DCHS2: variants seen among roughly 807,000 people sequenced by gnomAD.
DCHS2 encodes the protein dachsous cadherin-related 2, also known as protocadherin-23.
Under a neutral mutation model 182.4 loss-of-function variants are expected in DCHS2, and 142 were observed. That is an observed-to-expected ratio of 0.78 (90% CI 0.68 to 0.89). The LOEUF is 0.89. Ranked by LOEUF, DCHS2 falls within the 40% of genes least tolerant of loss-of-function variation. The pLI is 0.00. For missense variants in DCHS2, 4,319 were observed against 4,198.6 expected (o/e 1.03, Z -0.79); for synonymous variants, 1,740 against 1,663.3 (o/e 1.05, Z -1.12).
chr4:154,239,028 G>A, intron 19 of DCHS2, 142 bp downstream of exon 19: 1 of 1,115,724 alleles, frequency 9.0e-7, no homozygotes, highest in East Asian at 2.8e-5. Context: ...TTCATGTGAA[G>A]AGTAATGAAA....
chr4:154,410,728 T>C (rs910217735), intron 1 of DCHS2, among the ~76,000 whole-genome samples: 6 of 152,110 alleles, frequency 3.9e-5, no homozygotes, highest in African/African-American at 1.4e-4. Context: ...TCCCAGAAGT[T>C]TCTTAAGTCT....
chr4:154,422,906 C>G (rs999836988), intron 1 of DCHS2, among the ~76,000 whole-genome samples: 4 of 152,198 alleles, frequency 2.6e-5, no homozygotes, highest in Non-Finnish European at 4.4e-5. Flanking sequence ...GTCAAAGAAA[C>G]CTGCCTGTCC....
intron 1 of DCHS2, among the ~76,000 whole-genome samples, chr4:154,433,098 T>C (rs952735806): frequency 6.6e-6 from 1 of 152,174 alleles, no homozygotes; most frequent in African/African-American, 2.4e-5. Context: ...ACATATTGGA[T>C]TAGGCGGACC....
At chr4:154,262,418 A>C (rs1419490369) in intron 14 of DCHS2, among the ~76,000 whole-genome samples, 1 of 152,236 alleles carries the variant, frequency 6.6e-6, no homozygotes, top group Non-Finnish European at 1.5e-5. Context: ...GTGAGAGGAA[A>C]GTACTACTGG....
intron 1 of DCHS2, among the ~76,000 whole-genome samples, chr4:154,425,333 T>C (rs1466896455): frequency 1.3e-5 from 2 of 152,262 alleles, no homozygotes; most frequent in Admixed American, 6.5e-5. Context: ...TGTGGAGGAC[T>C]CTTCTCTATA....
chr4:154,481,341 A>C (rs1735911949), intron 1 of DCHS2, among the ~76,000 whole-genome samples: 1 of 152,154 alleles, frequency 6.6e-6, no homozygotes, highest in Non-Finnish European at 1.5e-5. Context: ...GGTTCACTGC[A>C]GCCTCGACCT....
chr4:154,358,814 C>T (rs73854718), intron 3 of DCHS2, among the ~76,000 whole-genome samples: 1,842 of 151,840 alleles, frequency 0.012, 33 homozygotes, highest in African/African-American at 0.042. Context: ...TTGAATCCAA[C>T]ATGCTTAAAT....
intron 1 of DCHS2, among the ~76,000 whole-genome samples, chr4:154,479,270 A>G (rs1438776163): frequency 1.3e-5 from 2 of 152,168 alleles, no homozygotes; most frequent in Non-Finnish European, 2.9e-5. Context: ...GATCTGAAGA[A>G]TAGAAAAGAA....
chr4:154,296,570 T>C (rs1173059463), intron 13 of DCHS2, among the ~76,000 whole-genome samples: 1 of 152,244 alleles, frequency 6.6e-6, no homozygotes, highest in African/African-American at 2.4e-5. Context: ...AGTTTAATAA[T>C]GTTAATAGAT....
chr4:154,365,473 T>C (rs969674116), intron 3 of DCHS2, among the ~76,000 whole-genome samples: 3 of 152,034 alleles, frequency 2.0e-5, no homozygotes, highest in Non-Finnish European at 2.9e-5. Context: ...AGTGTTACTT[T>C]TTTGTTTTTT....
intron 7 of DCHS2, among the ~76,000 whole-genome samples, chr4:154,324,052 G>A (rs56214025): frequency 0.27 from 40,847 of 152,130 alleles, 6,495 homozygotes; most frequent in South Asian, 0.36. Context: ...TGCTCGATGA[G>A]TTAAACTTTT....
chr4:154,298,080 T>TTTATCAATAGAAAACATTAGTTTTA lies in DCHS2; in HGVS notation c.6233_6234insTAAAACTAATGTTTTCTATTGATAA (p.Glu2079LysfsTer7). 6.2e-7 allele frequency: 1 copy of TTTATCAATAGAAAACATTAGTTTTA among 1,614,148 alleles called. No homozygotes were observed. Among genetic ancestry groups the TTTATCAATAGAAAACATTAGTTTTA allele is most frequent in the South Asian group, 1.1e-5 (1 of 91,082 alleles). On this transcript the variant is annotated stop_gained and frameshift_variant, in exon 13 of 20. Coordinates refer to ENST00000357232, the MANE Select transcript of DCHS2 (RefSeq NM_001358235.2). LOFTEE classifies it high-confidence loss of function. ...CAATAGAAAACATTGACTGGGTCTCTGCAAAACTAAAAACCACAGTTCCAT... is the reference window on the plus strand; with the variant it reads ...CAATAGAAAACATTGACTGGGTCTCTTTATCAATAGAAAACATTAGTTTTAGCAAAACTAAAAACCACAGTTCCAT...
intron 1 of DCHS2, among the ~76,000 whole-genome samples, chr4:154,460,895 A>T (rs1391603505): frequency 6.6e-6 from 1 of 152,214 alleles, no homozygotes; most frequent in Admixed American, 6.5e-5. Flanking sequence ...TCTACAGAAC[A>T]TGTAAAAACC....
chr4:154,489,623 T>C lies in DCHS2; in HGVS notation c.1733A>G (p.Tyr578Cys), dbSNP rs748537707. Residue 578 changes from tyrosine (Y) to cysteine (C), a missense_variant, in exon 1 of 20, where the codon TAC (tyrosine) becomes TGC (cysteine). By Grantham distance (194) the Tyr-to-Cys change is radical. Coordinates refer to ENST00000357232, the MANE Select transcript of DCHS2 (RefSeq NM_001358235.2). ...GGGAGCCGAGAGTTGGACTACAGTG[T>C]AGCGCAGCCAGGCGTGATCACTGCC... ...EAGSDHAWLR[Y>C]TVVQLSAPCN... 1.3e-5 allele frequency: 20 copies of C among 1,551,408 alleles called. No homozygotes were observed. The South Asian group carries it at 2.1e-4, about 17-fold the overall frequency.
chr4:154,264,152 A>G (rs1176003361), intron 14 of DCHS2, among the ~76,000 whole-genome samples: 1 of 152,188 alleles, frequency 6.6e-6, no homozygotes, highest in Admixed American at 6.5e-5. Context: ...TTTTAAGGGC[A>G]TAAATTCAAC....
In DCHS2 at chr4:154,295,736, C is replaced by T. The variant is rs146726389; in HGVS notation, c.6463+2115G>A. ...CTTAAAACTTAATCTTTACAGTATCCCTGTGAGGAAGTCATCAAAGAGAAT... is the reference window on the plus strand; with the variant it reads ...CTTAAAACTTAATCTTTACAGTATCTCTGTGAGGAAGTCATCAAAGAGAAT... On this transcript the variant is annotated intron_variant, in intron 13 of 19. Transcript: ENST00000357232. Among the ~76,000 whole-genome samples the T allele has an allele frequency of 1.6e-3, 243 of 152,228 alleles. 2 individuals carry two copies. The highest frequency in any genetic ancestry group is 5.5e-3 in the African/African-American group (228 of 41,544).
chr4:154,345,360 G>A (rs1729309577), intron 3 of DCHS2, among the ~76,000 whole-genome samples: 1 of 152,174 alleles, frequency 6.6e-6, no homozygotes, highest in Non-Finnish European at 1.5e-5. Context: ...AAATGTTACT[G>A]TTTCTGTTTT....
At chr4:154,385,064 TC>T (rs966890022) in intron 1 of DCHS2, among the ~76,000 whole-genome samples, 4 of 145,818 alleles carry the variant, frequency 2.7e-5, no homozygotes, top group Middle Eastern at 3.4e-3. Flanking sequence ...TCTAATGCTA[TC>T]CCTTCCCCCT....
In DCHS2 at chr4:154,269,988, A is replaced by G; in HGVS notation, c.6489T>C (p.Ala2163=). 1.2e-6 allele frequency: 2 copies of G among 1,610,916 alleles called. No individual in the cohort carries two copies. Among genetic ancestry groups the G allele is most frequent in the Non-Finnish European group, 1.7e-6 (2 of 1,178,802 alleles). The change falls in exon 14 of 20, where the codon GCT becomes GCC. Residue 2163 remains alanine, a synonymous_variant. Transcript: ENST00000357232. ...TGTCCTGAATTGAGTCAGGAGCAAAAGCTTTAACAGTCACAATAGAAGTAC... is the reference window on the plus strand; with the variant it reads ...TGTCCTGAATTGAGTCAGGAGCAAAGGCTTTAACAGTCACAATAGAAGTAC... ...EAGTSIVTVK[A]FAPDSIQDSM...
Sources: gnomAD v4.1 joint callset for allele counts (sites outside exome capture counted in the v4.1 genomes callset) on GRCh38, gnomAD v4.1.1 for gene constraint, MANE v1.5 for transcripts, NCBI Gene and HGNC (gene_info 2026-07-23, HGNC 2026-07-21) for gene names.